PTPRD: variants seen among roughly 807,000 people sequenced by gnomAD.
The protein encoded by PTPRD is protein tyrosine phosphatase receptor type D, also known as receptor-type tyrosine-protein phosphatase delta.
PTPRD carries 34 observed loss-of-function variants against 214.5 expected under a neutral mutation model. The observed-to-expected ratio is 0.16, with a 90% CI of 0.12 to 0.21. The LOEUF (loss-of-function observed/expected upper bound fraction) is 0.21, where lower values mean the gene tolerates loss of function less well. Ranked by LOEUF, PTPRD falls within the 10% of genes least tolerant of loss-of-function variation. PTPRD has a pLI of 1.00. For synonymous variants in PTPRD, 1,128 were observed against 845.7 expected (o/e 1.33, Z -5.79); for missense variants, 2,545 against 2,398.7 (o/e 1.06, Z -1.27).
At chr9:9,906,721 A>G (rs1454035663) in intron 5 of PTPRD, among the ~76,000 whole-genome samples, 1 of 152,024 alleles carries the variant, frequency 6.6e-6, no homozygotes, top group East Asian at 1.9e-4. Context: ...GGAAAAACTC[A>G]GTATTTTTAA....
chr9:9,741,050 G>A (rs989860219), intron 6 of PTPRD, among the ~76,000 whole-genome samples: 8 of 152,128 alleles, frequency 5.3e-5, no homozygotes, highest in Admixed American at 2.0e-4. Context: ...TTGAAGATAA[G>A]GCAAAGAAGA....
intron 10 of PTPRD, among the ~76,000 whole-genome samples, chr9:9,126,226 C>T (rs2099833059): frequency 6.6e-6 from 1 of 152,142 alleles, no homozygotes; most frequent in African/African-American, 2.4e-5. Flanking sequence ...GTCAGTGATG[C>T]AGAAAATACA....
intron 4 of PTPRD, among the ~76,000 whole-genome samples, chr9:9,943,206 C>T (rs1415028974): frequency 1.3e-5 from 2 of 152,086 alleles, no homozygotes; most frequent in African/African-American, 4.8e-5. Flanking sequence ...GTTAGATATC[C>T]TAATAGGCAG....
Position 9,073,241 on chromosome 9 carries a change from T to A in PTPRD, c.-142-54506A>T, listed in dbSNP as rs324482. Among the ~76,000 whole-genome samples the A allele has an allele frequency of 2.0e-5, 3 of 151,944 alleles. No homozygotes were observed. The East Asian group carries it at 5.8e-4, about 29-fold the overall frequency. On this transcript the variant is annotated intron_variant, in intron 10 of 45. Coordinates refer to ENST00000381196, the MANE Select transcript of PTPRD (RefSeq NM_002839.4). ...TTTTGTACAAGCACTGTGCAAGGCA[T>A]TGTTACATGTTTTCTAGTGATTATC...
chr9:10,113,632 A>C (rs971975865), intron 3 of PTPRD, among the ~76,000 whole-genome samples: 1 of 152,226 alleles, frequency 6.6e-6, no homozygotes, highest in African/African-American at 2.4e-5. Context: ...AGATGAAGCA[A>C]AGCGACTGTT....
At chr9:8,572,672 A>C (rs2091466701) in intron 14 of PTPRD, among the ~76,000 whole-genome samples, 1 of 152,050 alleles carries the variant, frequency 6.6e-6, no homozygotes. Context: ...ACCTCATTGG[A>C]GGCATTCAGA....
chr9:9,225,475 A>G (rs1035958158), intron 9 of PTPRD, among the ~76,000 whole-genome samples: 2 of 151,972 alleles, frequency 1.3e-5, no homozygotes, highest in African/African-American at 2.4e-5. Context: ...GAGAAAAACA[A>G]CTCATGCTGG....
At chr9:8,842,010 C>A (rs534924798) in intron 11 of PTPRD, among the ~76,000 whole-genome samples, 41 of 146,802 alleles carry the variant, frequency 2.8e-4, no homozygotes, top group South Asian at 4.3e-4. Context: ...GACACAGTCT[C>A]AAAAAAAAAA....
At chr9:9,332,874 A>G (rs1480601257) in intron 9 of PTPRD, among the ~76,000 whole-genome samples, 2 of 152,046 alleles carry the variant, frequency 1.3e-5, no homozygotes, top group Admixed American at 1.3e-4. Flanking sequence ...TACATGTGCT[A>G]TATTTCCAGA....
chr9:10,253,296 G>A (rs1006466887), intron 3 of PTPRD, among the ~76,000 whole-genome samples: 1 of 152,128 alleles, frequency 6.6e-6, no homozygotes, highest in South Asian at 2.1e-4. Flanking sequence ...TTCTTCCTAA[G>A]GCCAAGAGAA....
At chr9:10,573,979 C>G (rs566049784) in intron 2 of PTPRD, among the ~76,000 whole-genome samples, 1 of 151,978 alleles carries the variant, frequency 6.6e-6, no homozygotes, top group African/African-American at 2.4e-5. Context: ...GACAGTGAAG[C>G]AGGATGGAAG....
chr9:9,111,104 C>G (rs2099805333), intron 10 of PTPRD, among the ~76,000 whole-genome samples: 1 of 150,976 alleles, frequency 6.6e-6, no homozygotes, highest in South Asian at 2.1e-4. Flanking sequence ...ATCTAGTTAT[C>G]TAGGTCAGGA....
chr9:8,884,085 A>G (rs1038746566), intron 11 of PTPRD, among the ~76,000 whole-genome samples: 4 of 152,194 alleles, frequency 2.6e-5, no homozygotes, highest in African/African-American at 9.7e-5. Context: ...ATTTTACCAA[A>G]GGAGTAATTG....
chr9:8,473,366 C>A (rs2096697039), intron 30 of PTPRD, among the ~76,000 whole-genome samples: 1 of 152,160 alleles, frequency 6.6e-6, no homozygotes, highest in Non-Finnish European at 1.5e-5. Context: ...TTCCCCCTCT[C>A]CTGTCCTCCC....
chr9:10,382,377 C>G (rs552031306), intron 2 of PTPRD, among the ~76,000 whole-genome samples: 1 of 151,988 alleles, frequency 6.6e-6, no homozygotes, highest in East Asian at 1.9e-4. Context: ...ACTTTTCACT[C>G]CAGTGCCTCT....
At chr9:8,625,380 C>T (rs1236647438) in intron 14 of PTPRD, among the ~76,000 whole-genome samples, 1 of 151,702 alleles carries the variant, frequency 6.6e-6, no homozygotes, top group South Asian at 2.1e-4. Flanking sequence ...CTGCAGTTAC[C>T]CACGTAATTA....
intron 3 of PTPRD, among the ~76,000 whole-genome samples, chr9:10,222,055 G>C (rs1410770088): frequency 1.3e-5 from 2 of 151,990 alleles, no homozygotes; most frequent in African/African-American, 2.4e-5. Flanking sequence ...GGTTACAGAA[G>C]TGTAAATTAC....
chr9:8,515,163 T>A (rs184821148), intron 21 of PTPRD, among the ~76,000 whole-genome samples: 13 of 152,320 alleles, frequency 8.5e-5, no homozygotes, highest in Non-Finnish European at 1.5e-5. Flanking sequence ...GGATTTAAAT[T>A]CTGCTTTTGC....
rs182290441 is a variant in PTPRD, at chr9:9,343,906, G to T, written c.-203+53543C>A. ...GTCCAATACCAATGAGAAGAAACAG[G>T]TTATCTAAATTTTCCTGGGGAAGCA... On this transcript the variant is annotated intron_variant, in intron 9 of 45. Coordinates refer to ENST00000381196, the MANE Select transcript of PTPRD (RefSeq NM_002839.4). 7.9e-5 allele frequency among the ~76,000 whole-genome samples: 12 copies of T among 152,180 alleles called. No homozygotes were observed. The East Asian group carries it at 2.1e-3, about 27-fold the overall frequency.
Sources: allele counts gnomAD v4.1 joint callset (sites outside exome capture counted in the v4.1 genomes callset), GRCh38; gene constraint gnomAD v4.1.1; transcripts MANE v1.5; gene names NCBI Gene and HGNC (gene_info 2026-07-23, HGNC 2026-07-21).